MMP16: variants seen among roughly 807,000 people sequenced by gnomAD.
MMP16 encodes matrix metallopeptidase 16, also known as matrix metalloproteinase-16.
A neutral mutation model predicts 67.8 loss-of-function variants in MMP16; 12 were observed. The ratio of observed to expected loss-of-function variants is 0.18; its 90% CI spans 0.11 to 0.29. MMP16 has a LOEUF of 0.29. Among genes scored for constraint, MMP16 ranks in the 10% least tolerant of loss-of-function variants. The probability of loss-of-function intolerance (pLI) is 1.00; values close to 1 mark genes in which losing one functional copy is unlikely to be tolerated. For synonymous variants in MMP16, 249 were observed against 255.9 expected (o/e 0.97, Z 0.26); for missense variants, 475 against 765.7 (o/e 0.62, Z 4.48).
intron 3 of MMP16, among the ~76,000 whole-genome samples, chr8:88,174,760 T>C (rs560130102): frequency 1.1e-3 from 166 of 151,056 alleles, no homozygotes; most frequent in Middle Eastern, 6.9e-3. Flanking sequence ...TTGACTGCTT[T>C]TTTTTTTTTT....
At position 88,056,241 on chromosome 8, in the gene MMP16, T is replaced by C. The variant is rs758113688; in HGVS notation, c.1260A>G (p.Gln420=). ...TTATCAAGTCATGAGGGTAACCAGG[T>C]TGAAGAGTTGTATCCTTGAACACCC... is the stretch of plus-strand genomic sequence containing the variant. ...KYWVFKDTTL[Q]PGYPHDLITL... The change falls in exon 8 of 10, where the codon CAA becomes CAG. Residue 420 remains glutamine (Q), a synonymous_variant. Coordinates refer to ENST00000286614, the MANE Select transcript of MMP16 (RefSeq NM_005941.5). 6 of 1,595,246 alleles carry C rather than the reference T, an allele frequency of 3.8e-6. No homozygotes were observed. In the African/African-American group the frequency reaches 8.1e-5, roughly 21 times the overall value.
intron 4 of MMP16, among the ~76,000 whole-genome samples, chr8:88,146,844 T>A (rs904518313): frequency 2.0e-5 from 3 of 151,896 alleles, no homozygotes; most frequent in Non-Finnish European, 4.4e-5. Flanking sequence ...TTTATTAGGT[T>A]TTTGCCAAAC....
In MMP16 at chr8:88,046,792, G is replaced by C; in HGVS notation, c.1374-8C>G. 1.3e-6 allele frequency: 2 copies of C among 1,543,994 alleles called. No individual in the cohort carries two copies. Among genetic ancestry groups the C allele is most frequent in the Non-Finnish European group, 1.8e-6 (2 of 1,132,796 alleles). ...TCACTATATCTCCAATATCTACAAA[G>C]GATAAAAACAACAACAACAAACACA... On this transcript the variant is annotated splice_region_variant and splice_polypyrimidine_tract_variant and intron_variant, in intron 8 of 9. Transcript: ENST00000286614.
At chr8:88,111,605 T>C (rs1173850343) in intron 6 of MMP16, among the ~76,000 whole-genome samples, 1 of 151,672 alleles carries the variant, frequency 6.6e-6, no homozygotes, top group Non-Finnish European at 1.5e-5. Context: ...GAAATAACTT[T>C]GGCTTTTATT....
At chr8:88,212,032 C>T (rs1438854550) in intron 1 of MMP16, among the ~76,000 whole-genome samples, 1 of 152,002 alleles carries the variant, frequency 6.6e-6, no homozygotes, top group Non-Finnish European at 1.5e-5. Context: ...ACTGGCCCCA[C>T]ATCTCCAGTG....
chr8:88,321,124 T>C (rs181451720), intron 1 of MMP16, among the ~76,000 whole-genome samples: 1 of 152,296 alleles, frequency 6.6e-6, no homozygotes, highest in African/African-American at 2.4e-5. Flanking sequence ...CTACATATTT[T>C]ATAAAATAAA....
At chr8:88,131,686 T>C (rs1248909248) in intron 4 of MMP16, among the ~76,000 whole-genome samples, 1 of 151,866 alleles carries the variant, frequency 6.6e-6, no homozygotes, top group Non-Finnish European at 1.5e-5. Context: ...CTACCTTTCA[T>C]AATCTGGTTT....
At chr8:88,134,772 C>T (rs1359734609) in intron 4 of MMP16, among the ~76,000 whole-genome samples, 1 of 151,468 alleles carries the variant, frequency 6.6e-6, no homozygotes, top group Non-Finnish European at 1.5e-5. Context: ...CTTGGCTAGA[C>T]ATGTGTGTGA....
rs188921805 is a variant in MMP16 at position 88,169,827 on chromosome 8, T to C, written c.405-1854A>G. ...AAAGTTAGAAGGAGACCAAATAAGGTAGGTCCCCGAAGGCCACTCTAAATA... is the reference window on the plus strand; with the variant it reads ...AAAGTTAGAAGGAGACCAAATAAGGCAGGTCCCCGAAGGCCACTCTAAATA... On this transcript the variant is annotated intron_variant, in intron 3 of 9. Coordinates refer to ENST00000286614, the MANE Select transcript of MMP16 (RefSeq NM_005941.5). 1.4e-3 allele frequency among the ~76,000 whole-genome samples: 211 copies of C among 152,158 alleles called. 1 individual carries two copies. The highest frequency in any genetic ancestry group is 1.7e-3 in the East Asian group (9 of 5,162).
intron 3 of MMP16, among the ~76,000 whole-genome samples, chr8:88,174,455 T>C (rs1808852568): frequency 6.6e-6 from 1 of 152,236 alleles, no homozygotes; most frequent in Non-Finnish European, 1.5e-5. Flanking sequence ...TGTTTGGAAT[T>C]AATGAATTTA....
intron 6 of MMP16, among the ~76,000 whole-genome samples, chr8:88,102,759 C>T (rs775228384): frequency 1.4e-4 from 21 of 151,722 alleles, no homozygotes; most frequent in African/African-American, 2.2e-4. Flanking sequence ...GACTCCAAGG[C>T]GTTTAAAAAT....
At position 88,184,765 on chromosome 8, in the gene MMP16, A is replaced by G. The variant is rs1186209133; in HGVS notation, c.404+1711T>C. 4.8e-5 allele frequency among the ~76,000 whole-genome samples: 7 copies of G among 145,450 alleles called. 1 individual carries two copies. Among genetic ancestry groups the G allele is most frequent in the Admixed American group, 3.4e-4 (5 of 14,536 alleles). On this transcript the variant is annotated intron_variant, in intron 3 of 9. Coordinates refer to ENST00000286614, the MANE Select transcript of MMP16 (RefSeq NM_005941.5). ...CTGTCTCAAAAAAAAAAAAAAAAAA[A>G]AAAAAAAAAAAAAGAAAAGAAAAAA...
intron 7 of MMP16, among the ~76,000 whole-genome samples, chr8:88,067,755 T>C (rs1380365535): frequency 1.3e-5 from 2 of 152,154 alleles, no homozygotes; most frequent in Non-Finnish European, 2.9e-5. Context: ...CAGTACTTCA[T>C]TCCTTTTTAT....
chr8:88,220,081 AAGCATTATATCAGTTAAC>A (rs1809654397), intron 1 of MMP16, among the ~76,000 whole-genome samples: 1 of 152,138 alleles, frequency 6.6e-6, no homozygotes, highest in East Asian at 1.9e-4. Context: ...AAGACATCAC[AAGCATTATATCAGTTAAC>A]TGATGATTTA....
intron 7 of MMP16, among the ~76,000 whole-genome samples, chr8:88,061,054 T>C (rs1357095122): frequency 6.6e-6 from 1 of 151,794 alleles, no homozygotes; most frequent in African/African-American, 2.4e-5. Context: ...AGTGATTATA[T>C]TTAACCAAGT....
intron 1 of MMP16, among the ~76,000 whole-genome samples, chr8:88,247,986 T>G (rs1038226801): frequency 6.6e-6 from 1 of 152,024 alleles, no homozygotes; most frequent in Non-Finnish European, 1.5e-5. Flanking sequence ...GAATTTGAAT[T>G]GGGGAGTGGG....
At chr8:88,047,707 G>C (rs1158150731) in intron 8 of MMP16, among the ~76,000 whole-genome samples, 1 of 152,196 alleles carries the variant, frequency 6.6e-6, no homozygotes, top group East Asian at 1.9e-4. Flanking sequence ...CCTAAGATTA[G>C]ACAAGCATTT....
chr8:88,259,527 G>T (rs16880416), intron 1 of MMP16, among the ~76,000 whole-genome samples: 32,851 of 151,590 alleles, frequency 0.22, 4,127 homozygotes, highest in African/African-American at 0.34. Context: ...TAATTTAAAC[G>T]TGTGGGAAAT....
chr8:88,069,497 G>T (rs377508745), intron 7 of MMP16: 1 of 520,244 alleles, frequency 1.9e-6, no homozygotes, highest in African/African-American at 2.2e-5. Flanking sequence ...AACCATCTTG[G>T]ATTATAGATA....
Sources: gnomAD v4.1 joint callset for allele counts (sites outside exome capture counted in the v4.1 genomes callset) on GRCh38, gnomAD v4.1.1 for gene constraint, MANE v1.5 for transcripts, NCBI Gene and HGNC (gene_info 2026-07-23, HGNC 2026-07-21) for gene names.